The following PCSK6 variants were observed in gnomAD, a reference collection of about 807,000 sequenced individuals.
The protein encoded by PCSK6 is paired basic amino acid cleaving enzyme 4.
Under a neutral mutation model 123.3 loss-of-function variants are expected in PCSK6, and 85 were observed. The ratio of observed to expected loss-of-function variants is 0.69; its 90% CI spans 0.58 to 0.83. PCSK6 has a LOEUF of 0.83. PCSK6 is among the 40% of genes least tolerant of loss of function. PCSK6 has a pLI of 0.00. For synonymous variants in PCSK6, 508 were observed against 516.0 expected (o/e 0.98, Z 0.21); for missense variants, 1,191 against 1,282.3 (o/e 0.93, Z 1.09).
chr15:101,471,350 C>T (rs1470087939), intron 1 of PCSK6, among the ~76,000 whole-genome samples: 1 of 152,220 alleles, frequency 6.6e-6, no homozygotes, highest in Non-Finnish European at 1.5e-5. Flanking sequence ...CCCACGTCCA[C>T]AAAAATACCT....
chr15:101,389,786 G>A (rs571843879), intron 8 of PCSK6, among the ~76,000 whole-genome samples: 3 of 152,286 alleles, frequency 2.0e-5, no homozygotes, highest in Admixed American at 2.0e-4. Flanking sequence ...GGGCAAGAAG[G>A]CCAGCTGGGA....
intron 3 of PCSK6, 92 bp from the exon 4 acceptor site, chr15:101,431,555 G>A (rs1212372696): frequency 6.6e-7 from 1 of 1,508,728 alleles, no homozygotes; most frequent in East Asian, 2.3e-5. Flanking sequence ...AGGCGCTTAG[G>A]CTTGCAAGTA....
At chr15:101,469,848 T>C (rs1482164342) in intron 1 of PCSK6, among the ~76,000 whole-genome samples, 9 of 152,348 alleles carry the variant, frequency 5.9e-5, no homozygotes. Flanking sequence ...GTGACACTTT[T>C]TACTAGCTTT....
Position 101,313,446 on chromosome 15 carries a change from A to T in PCSK6, c.2629T>A (p.Cys877Ser). 1 of 1,612,222 alleles carries T rather than the reference A, an allele frequency of 6.2e-7. No homozygotes were observed. The highest frequency in any genetic ancestry group is 8.5e-7 in the Non-Finnish European group (1 of 1,179,818). Residue 877 changes from cysteine (C) to serine (S), a missense_variant, in exon 20 of 22, where the codon TGT becomes AGT. Transcript: ENST00000611716. Reference protein sequence around the residue: ...AKNFHFHDWKCVPACGEGFYP... With the variant: ...AKNFHFHDWKSVPACGEGFYP... ...AAGCCCTCACCACAGGCTGGCACAC[A>T]CTTCCAGTCGTGGAAGTGGAAGTTT...
intron 13 of PCSK6, among the ~76,000 whole-genome samples, chr15:101,361,611 G>A (rs911471007): frequency 3.3e-5 from 5 of 152,202 alleles, no homozygotes; most frequent in African/African-American, 7.2e-5. Flanking sequence ...ATGATGAGGC[G>A]CAGGAAATGA....
chr15:101,428,933 C>T (rs980549385), intron 5 of PCSK6, among the ~76,000 whole-genome samples: 5 of 152,150 alleles, frequency 3.3e-5, no homozygotes, highest in African/African-American at 1.2e-4. Flanking sequence ...CCCAGGCATC[C>T]TCACTGGCAG....
chr15:101,405,993 T>A (rs56851647), intron 6 of PCSK6, among the ~76,000 whole-genome samples: 1 of 152,316 alleles, frequency 6.6e-6, no homozygotes, highest in African/African-American at 2.4e-5. Context: ...TCTGCCCACC[T>A]CGGCCTCCCA....
At chr15:101,438,428 T>A (rs745501999) in intron 2 of PCSK6, among the ~76,000 whole-genome samples, 7 of 152,262 alleles carry the variant, frequency 4.6e-5, no homozygotes, top group Non-Finnish European at 1.0e-4. Flanking sequence ...GAACTTGAGA[T>A]ATGCTTCAGG....
chr15:101,339,373 A>G (rs2040549797), intron 13 of PCSK6, among the ~76,000 whole-genome samples: 1 of 152,228 alleles, frequency 6.6e-6, no homozygotes, highest in African/African-American at 2.4e-5. Context: ...AGTTTAAAAC[A>G]CCAGTGGAAG....
At chr15:101,464,834 C>T (rs559564932) in intron 1 of PCSK6, among the ~76,000 whole-genome samples, 1 of 152,282 alleles carries the variant, frequency 6.6e-6, no homozygotes, top group Non-Finnish European at 1.5e-5. Flanking sequence ...CCGCTCTATC[C>T]CGCCGGTGAC....
chr15:101,406,673 C>T (rs572243511), intron 6 of PCSK6, among the ~76,000 whole-genome samples: 4 of 151,988 alleles, frequency 2.6e-5, no homozygotes, highest in African/African-American at 9.6e-5. Context: ...GCTAACTATG[C>T]CCCCACAGGA....
intron 18 of PCSK6, among the ~76,000 whole-genome samples, chr15:101,320,378 G>A (rs1379929226): frequency 1.3e-5 from 2 of 152,194 alleles, no homozygotes; most frequent in African/African-American, 4.8e-5. Context: ...GAGCCACTGC[G>A]TTCAGCCTGA....
chr15:101,404,389 G>A (rs1046208101), intron 6 of PCSK6, among the ~76,000 whole-genome samples: 2 of 152,162 alleles, frequency 1.3e-5, no homozygotes, highest in African/African-American at 4.8e-5. Context: ...ACATGAAGTG[G>A]GGTCTTTCCC....
At chr15:101,441,751 C>A (rs972303114) in intron 2 of PCSK6, among the ~76,000 whole-genome samples, 16 of 152,206 alleles carry the variant, frequency 1.1e-4, no homozygotes, top group African/African-American at 3.9e-4. Flanking sequence ...GGGCTTCCTG[C>A]ATGCAAACAG....
At chr15:101,410,347 C>A (rs531767348) in intron 6 of PCSK6, among the ~76,000 whole-genome samples, 1 of 152,184 alleles carries the variant, frequency 6.6e-6, no homozygotes, top group Non-Finnish European at 1.5e-5. Flanking sequence ...AGCCCCCCAC[C>A]ACCAATGCCA....
chr15:101,472,512 G>A (rs1047291515), intron 1 of PCSK6, among the ~76,000 whole-genome samples: 1 of 152,258 alleles, frequency 6.6e-6, no homozygotes, highest in Non-Finnish European at 1.5e-5. Flanking sequence ...ACGCTGTGGG[G>A]AGAATGACAG....
Position 101,366,211 on chromosome 15 carries a change from T to G in PCSK6, c.1843A>C (p.Asn615His). Residue 615 changes from asparagine to histidine, a missense_variant, in exon 13 of 22, where the codon AAC (asparagine) becomes CAC (histidine). Around this residue, in one of 3 missense-constraint regions of PCSK6, gnomAD observed 630 missense variants for 631.4 expected, o/e 1.00. Coordinates refer to ENST00000611716, the MANE Select transcript of PCSK6 (RefSeq NM_002570.5). ...EIQDLPSQVR[N>H]PEKQGKLKEW... The stretch of plus-strand genomic sequence containing the variant: ...AGCCACTGACCTTGCTTCTCCGGGT[T>G]GCGGACCTGGGATGGCAGATCTTGG... 6.2e-7 allele frequency: 1 copy of G among 1,612,768 alleles called. No homozygotes were observed. The highest frequency in any genetic ancestry group is 8.5e-7 in the Non-Finnish European group (1 of 1,179,318).
chr15:101,357,715 T>C (rs1362573342), intron 13 of PCSK6, among the ~76,000 whole-genome samples: 1 of 152,166 alleles, frequency 6.6e-6, no homozygotes, highest in Non-Finnish European at 1.5e-5. Flanking sequence ...AATGCCTACG[T>C]TGGGTCCCGG....
At chr15:101,361,704 A>G (rs765369020) in intron 13 of PCSK6, among the ~76,000 whole-genome samples, 13 of 152,184 alleles carry the variant, frequency 8.5e-5, no homozygotes, top group Non-Finnish European at 1.6e-4. Context: ...GGAGGTCATT[A>G]AAGTTAGCAG....
Sources: gnomAD v4.1 joint callset for allele counts (sites outside exome capture counted in the v4.1 genomes callset) on GRCh38, gnomAD v4.1.1 for gene constraint, gnomAD v4.1.1 regional missense constraint, MANE v1.5 for transcripts, NCBI Gene and HGNC (gene_info 2026-07-23, HGNC 2026-07-21) for gene names.